The following MYOF variants were observed in gnomAD, a reference collection of about 807,000 sequenced individuals.
The protein encoded by MYOF is myoferlin.
In MYOF, 244 loss-of-function variants were observed where a neutral mutation model predicts 284.2. The ratio of observed to expected loss-of-function variants is 0.86; its 90% CI spans 0.77 to 0.95. The LOEUF is 0.95. Ranked by LOEUF, MYOF falls within the 40% of genes least tolerant of loss-of-function variation. The probability of loss-of-function intolerance (pLI) is 0.00; values close to 1 mark genes in which losing one functional copy is unlikely to be tolerated. For missense variants in MYOF, 2,496 were observed against 2,560.6 expected (o/e 0.97, Z 0.54); for synonymous variants, 904 against 919.7 (o/e 0.98, Z 0.31).
At chr10:93,424,705 T>C (rs1326318189) in intron 5 of MYOF, among the ~76,000 whole-genome samples, 1 of 152,034 alleles carries the variant, frequency 6.6e-6, no homozygotes, top group Non-Finnish European at 1.5e-5. Context: ...AAAACATTCA[T>C]AATGGGTGCA....
At chr10:93,419,597 A>G (rs1398757292) in intron 5 of MYOF, among the ~76,000 whole-genome samples, 6 of 152,266 alleles carry the variant, frequency 3.9e-5, no homozygotes, top group Non-Finnish European at 5.9e-5. Flanking sequence ...GCTAGGCACC[A>G]TGAATACAGA....
intron 5 of MYOF, among the ~76,000 whole-genome samples, chr10:93,422,517 C>A (rs1300106062): frequency 6.6e-6 from 1 of 152,186 alleles, no homozygotes. Flanking sequence ...ATAGTTGGGG[C>A]CAGGCGTGGT....
At position 93,306,858 on chromosome 10, in the gene MYOF, G is replaced by C; in HGVS notation, c.*105C>G. On this transcript the variant is annotated 3_prime_UTR_variant, in exon 54 of 54. Coordinates refer to ENST00000359263, the MANE Select transcript of MYOF (RefSeq NM_013451.4). Reference sequence around the variant, plus strand: ...GGGGCTCGGTGACATGGCGTAACCTGCTACTGGGGTGTGGTCTCAGACACA... The same window carrying C: ...GGGGCTCGGTGACATGGCGTAACCTCCTACTGGGGTGTGGTCTCAGACACA... 8.3e-7 allele frequency: 1 copy of C among 1,204,678 alleles called. No homozygotes were observed. The highest frequency in any genetic ancestry group is 2.4e-5 in the East Asian group (1 of 42,082). 74.6% of individuals were successfully genotyped at this position (1,204,678 alleles called of 1,614,324 possible).
In MYOF at chr10:93,409,480, A is replaced by G. The variant is rs1156427137; in HGVS notation, c.600+93T>C. On this transcript the variant is annotated intron_variant, in intron 6 of 53. Transcript: ENST00000359263. ...CTCTTTACCGGTTGAGCCATTGTCC[A>G]TTGGAATAGGTCCACTGAAACATCA... is the stretch of plus-strand genomic sequence containing the variant. 3.5e-6 allele frequency: 5 copies of G among 1,424,152 alleles called. No individual in the cohort carries two copies. The East Asian group carries it at 9.1e-5, about 26-fold the overall frequency. The allele number at this position is 1,424,152 out of a possible 1,614,324, so 88.2% of individuals were successfully genotyped here.
intron 1 of MYOF, among the ~76,000 whole-genome samples, chr10:93,465,188 T>A (rs995246629): frequency 6.6e-6 from 1 of 152,118 alleles, no homozygotes; most frequent in Non-Finnish European, 1.5e-5. Context: ...ATACAGCTAG[T>A]AAGTGATGGA....
intron 40 of MYOF, chr10:93,337,591 A>G (rs1405784990): frequency 1.5e-5 from 7 of 481,100 alleles, no homozygotes; most frequent in Non-Finnish European, 2.2e-5. Context: ...TCCAAGCCCC[A>G]ATGTGGCAGT....
At chr10:93,364,196 C>T (rs1173960627) in intron 26 of MYOF, 121 bp from the exon 27 acceptor site, 5 of 734,976 alleles carry the variant, frequency 6.8e-6, no homozygotes, top group Non-Finnish European at 1.1e-5. Context: ...CCTCGCTTTA[C>T]CCCTGTTGGT....
At chr10:93,442,135 T>C (rs1022289758) in intron 3 of MYOF, among the ~76,000 whole-genome samples, 4 of 152,026 alleles carry the variant, frequency 2.6e-5, no homozygotes, top group Admixed American at 2.6e-4. Context: ...CTGAGTGACC[T>C]TTTACAATTT....
Position 93,328,754 on chromosome 10 carries a change from GGT to G in MYOF, c.5131+7_5131+8del, listed in dbSNP as rs1357957094. ...TGTACCAGTTTACAATCCACAGCTA[GGT>G]GCTCACCAAATTCATCCAAGCTGTA... On this transcript the variant is annotated splice_region_variant and intron_variant, in intron 45 of 53. Coordinates refer to ENST00000359263, the MANE Select transcript of MYOF (RefSeq NM_013451.4). 6.2e-7 allele frequency: 1 copy of G among 1,606,568 alleles called. No homozygotes were observed. The highest frequency in any genetic ancestry group is 1.1e-5 in the South Asian group (1 of 90,678).
intron 32 of MYOF, among the ~76,000 whole-genome samples, chr10:93,353,366 T>A (rs180887122): frequency 1.1e-4 from 17 of 152,232 alleles, no homozygotes; most frequent in Middle Eastern, 6.8e-3. Context: ...AGGAGGAGGT[T>A]AAAATGAACT....
chr10:93,400,865 T>G (rs1330155379), intron 12 of MYOF, among the ~76,000 whole-genome samples: 4 of 148,026 alleles, frequency 2.7e-5, no homozygotes, highest in South Asian at 2.2e-4. Context: ...TTTTTTTTTT[T>G]TTTTTTTTTT....
intron 52 of MYOF, 57 bp downstream of exon 52, chr10:93,310,477 G>C (rs952537506): frequency 3.2e-6 from 5 of 1,540,336 alleles, no homozygotes; most frequent in African/African-American, 2.7e-5. Context: ...CCAATGGGAA[G>C]GGGGGCTCTC....
rs1170565871 is a variant in MYOF at position 93,306,577 on chromosome 10, AT to A, written c.*385del. 1.0e-5 allele frequency: 2 copies of A among 192,084 alleles called. No individual in the cohort carries two copies. The highest frequency in any genetic ancestry group is 2.1e-5 in the Non-Finnish European group (2 of 95,470). 11.9% of individuals were successfully genotyped at this position (192,084 alleles called of 1,614,324 possible). A position where few individuals can be genotyped will look rare whatever the true frequency, so the allele number is the denominator to read the frequency against. On this transcript the variant is annotated 3_prime_UTR_variant, in exon 54 of 54. Coordinates refer to ENST00000359263, the MANE Select transcript of MYOF (RefSeq NM_013451.4). Reference sequence around the variant, plus strand: ...TTATAATGCACAGCTCTTTCAGTTGATTACAAATATGAAGTATATCACCTCA... The same window carrying A: ...TTATAATGCACAGCTCTTTCAGTTGATACAAATATGAAGTATATCACCTCA...
At chr10:93,451,919 G>C in intron 3 of MYOF, 131 bp downstream of exon 3, 1 of 720,374 alleles carries the variant, frequency 1.4e-6, no homozygotes, top group Admixed American at 2.4e-5. Flanking sequence ...AGAAGGGAGC[G>C]GGGCATGGAA....
Position 93,481,964 on chromosome 10 carries a change from C to A in MYOF, c.88+143G>T. On this transcript the variant is annotated intron_variant, in intron 1 of 53. Transcript: ENST00000359263. Reference sequence around the variant, plus strand: ...AATGCCTTCCCCAGAAACGGGTCCTCTCCCCTGTCCTGCGCAGGTAACAAA... The same window carrying A: ...AATGCCTTCCCCAGAAACGGGTCCTATCCCCTGTCCTGCGCAGGTAACAAA... The A allele has an allele frequency of 5.6e-6, 4 of 719,024 alleles. No homozygotes were observed. The South Asian group carries it at 7.2e-5, about 13-fold the overall frequency. The allele number at this position is 719,024 out of a possible 1,614,324, so 44.5% of individuals were successfully genotyped here.
chr10:93,339,141 T>G (rs984855719), intron 39 of MYOF, among the ~76,000 whole-genome samples: 5 of 150,004 alleles, frequency 3.3e-5, no homozygotes, highest in Non-Finnish European at 7.4e-5. Flanking sequence ...GCCTCCCGAG[T>G]AGCTGGCACT....
At chr10:93,339,941 A>T (rs1449347214) in intron 39 of MYOF, among the ~76,000 whole-genome samples, 2 of 151,934 alleles carry the variant, frequency 1.3e-5, no homozygotes, top group Non-Finnish European at 2.9e-5. Context: ...TAGCCGGGCG[A>T]GGTGGTGGGC....
chr10:93,454,987 TAAAAAA>T (rs56013436), intron 2 of MYOF, among the ~76,000 whole-genome samples: 1 of 58,654 alleles, frequency 1.7e-5, no homozygotes, highest in African/African-American at 7.6e-5. Flanking sequence ...TTTTTTTAAT[TAAAAAA>T]AAAAAAAAAA....
chr10:93,482,205 T>A lies in MYOF; in HGVS notation c.-11A>T, dbSNP rs59979268. 1,696 of 1,609,018 alleles carry A rather than the reference T, an allele frequency of 1.1e-3. 14 individuals are homozygous for A. The African/African-American group carries it at 0.02, about 19-fold the overall frequency. ...AATCACTCGCAGCATGGTTCTTAGC[T>A]GGTAGAAAGCAAGTTTCAGCAAACG... On this transcript the variant is annotated 5_prime_UTR_variant, in exon 1 of 54. Transcript: ENST00000359263.
Sources: allele counts gnomAD v4.1 joint callset (sites outside exome capture counted in the v4.1 genomes callset), GRCh38; gene constraint gnomAD v4.1.1; transcripts MANE v1.5; gene names NCBI Gene and HGNC (gene_info 2026-07-23, HGNC 2026-07-21).